The following DERL1 variants were observed in gnomAD, a reference collection of about 807,000 sequenced individuals.
The protein encoded by DERL1 is derlin-1.
Under a neutral mutation model 41.6 loss-of-function variants are expected in DERL1, and 24 were observed. The ratio of observed to expected loss-of-function variants is 0.58; its 90% CI spans 0.42 to 0.81. The LOEUF (loss-of-function observed/expected upper bound fraction) is 0.81, where lower values mean the gene tolerates loss of function less well. DERL1 is among the 30% of genes least tolerant of loss of function. DERL1 has a pLI of 0.00. For synonymous variants in DERL1, 124 were observed against 112.5 expected (o/e 1.10, Z -0.65); for missense variants, 260 against 314.3 (o/e 0.83, Z 1.31).
chr8:123,020,057 C>T (rs1563629222), intron 6 of DERL1, among the ~76,000 whole-genome samples: 1 of 152,232 alleles, frequency 6.6e-6, no homozygotes, highest in Non-Finnish European at 1.5e-5. Flanking sequence ...ACAGTCTGCT[C>T]CATCCATTCA....
At position 123,015,476 on chromosome 8, in the gene DERL1, C is replaced by T; in HGVS notation, c.727G>A (p.Gly243Ser). 1 of 1,613,578 alleles carries T rather than the reference C, an allele frequency of 6.2e-7. No homozygotes were observed. The highest frequency in any genetic ancestry group is 8.5e-7 in the Non-Finnish European group (1 of 1,179,814). ...QNGGGGRHNW[G>S]QGFRLGDQ is the part of the protein sequence containing the mutation. Reference sequence around the variant, plus strand: ...TGGTCTCCAAGTCGAAAGCCCTGGCCCCAGTTGTGTCTCCCGCCTCCGCCA... The same window carrying T: ...TGGTCTCCAAGTCGAAAGCCCTGGCTCCAGTTGTGTCTCCCGCCTCCGCCA... The change falls in exon 8 of 8, where the codon GGC becomes AGC. Residue 243 changes from glycine to serine, a missense_variant. By Grantham distance (56) the Gly-to-Ser change is moderately conservative. Transcript: ENST00000259512.
Position 123,042,034 on chromosome 8 carries a change from T to C in DERL1, c.89A>G (p.Lys30Arg). Reference sequence around the variant, plus strand: ...GTAGGCCGGGCTGATGAGGCCGAGTTTGCCGACCAAGGGCACGGCGACGGT... The same window carrying C: ...GTAGGCCGGGCTGATGAGGCCGAGTCTGCCGACCAAGGGCACGGCGACGGT... ...AATVAVPLVGKLGLISPAYLF... is the reference protein window; with the variant it reads ...AATVAVPLVGRLGLISPAYLF... Residue 30 changes from lysine (K) to arginine (R), a missense_variant, in exon 1 of 8, where the codon AAA becomes AGA. Coordinates refer to ENST00000259512, the MANE Select transcript of DERL1 (RefSeq NM_024295.6). 6.2e-7 allele frequency: 1 copy of C among 1,613,972 alleles called. No homozygotes were observed. Among genetic ancestry groups the C allele is most frequent in the Non-Finnish European group, 8.5e-7 (1 of 1,179,920 alleles).
chr8:123,023,835 G>T, intron 3 of DERL1, 96 bp from the exon 4 acceptor site: 1 of 1,405,886 alleles, frequency 7.1e-7, no homozygotes, highest in African/African-American at 1.4e-5. Context: ...AGTTCACTTG[G>T]CCAGGTGTAA....
At chr8:123,040,471 GC>G (rs1439429224) in intron 1 of DERL1, among the ~76,000 whole-genome samples, 23 of 152,198 alleles carry the variant, frequency 1.5e-4, no homozygotes, top group Admixed American at 1.4e-3. Flanking sequence ...TCATTGTGGA[GC>G]CTAAGGTACA....
chr8:123,027,460 C>T (rs1674898063), intron 2 of DERL1, among the ~76,000 whole-genome samples: 1 of 151,964 alleles, frequency 6.6e-6, no homozygotes, highest in Non-Finnish European at 1.5e-5. Flanking sequence ...TGTCAATATA[C>T]TAAAAACCAA....
chr8:123,020,652 A>G (rs1416438132), intron 6 of DERL1, among the ~76,000 whole-genome samples: 1 of 151,606 alleles, frequency 6.6e-6, no homozygotes, highest in Non-Finnish European at 1.5e-5. Context: ...TGGTTGGCCA[A>G]AAGTTCTGTA....
At chr8:123,035,124 C>T (rs1175610230) in intron 1 of DERL1, among the ~76,000 whole-genome samples, 1 of 152,190 alleles carries the variant, frequency 6.6e-6, no homozygotes, top group African/African-American at 2.4e-5. Flanking sequence ...TGTCTGACTA[C>T]ATTTTCTCTA....
At chr8:123,022,542 T>A in intron 5 of DERL1, 142 bp downstream of exon 5, 1 of 703,906 alleles carries the variant, frequency 1.4e-6, no homozygotes, top group Non-Finnish European at 2.4e-6. Flanking sequence ...GAGCTGGGAT[T>A]GAGGAGGGCA....
At position 123,039,532 on chromosome 8, in the gene DERL1, T is replaced by C. The variant is rs115680050; in HGVS notation, c.153+2438A>G. ...TGTTCCCAGCTCCTACTTCTGAGCCTTTCACTTACTAGTCCTTCCTGGAAG... is the reference window on the plus strand; with the variant it reads ...TGTTCCCAGCTCCTACTTCTGAGCCCTTCACTTACTAGTCCTTCCTGGAAG... On this transcript the variant is annotated intron_variant, in intron 1 of 7. Coordinates refer to ENST00000259512, the MANE Select transcript of DERL1 (RefSeq NM_024295.6). 6.6e-3 allele frequency among the ~76,000 whole-genome samples: 999 copies of C among 152,296 alleles called. 12 individuals are homozygous for C. The highest frequency in any genetic ancestry group is 0.023 in the African/African-American group (950 of 41,556).
intron 1 of DERL1, among the ~76,000 whole-genome samples, chr8:123,039,040 T>G (rs777463018): frequency 6.6e-6 from 1 of 152,224 alleles, no homozygotes; most frequent in African/African-American, 2.4e-5. Flanking sequence ...GCTGCTCCTG[T>G]GAAAACAGTA....
rs1377242762 is a variant in DERL1 at position 123,022,677 on chromosome 8, A to G, written c.453+7T>C. 1 of 1,613,898 alleles carries G rather than the reference A, an allele frequency of 6.2e-7. No individual in the cohort carries two copies. Among genetic ancestry groups the G allele is most frequent in the African/African-American group, 1.3e-5 (1 of 75,040 alleles). ...AAAAGGACACTTTTCCAACCAAGGCAAAGTACCTTAAATCGTGTTCCAAAC... is the reference window on the plus strand; with the variant it reads ...AAAAGGACACTTTTCCAACCAAGGCGAAGTACCTTAAATCGTGTTCCAAAC... On this transcript the variant is annotated splice_region_variant and intron_variant, in intron 5 of 7. Coordinates refer to ENST00000259512, the MANE Select transcript of DERL1 (RefSeq NM_024295.6).
chr8:123,024,847 A>G (rs1374913549), intron 3 of DERL1, 139 bp downstream of exon 3: 1 of 838,628 alleles, frequency 1.2e-6, no homozygotes, highest in East Asian at 2.8e-5. Flanking sequence ...TTTTTAAAAA[A>G]CTATAATTAT....
At chr8:123,018,375 T>C (rs1381776521) in intron 7 of DERL1, 2 of 152,196 alleles carry the variant, frequency 1.3e-5, no homozygotes, top group Non-Finnish European at 2.9e-5. Context: ...TCTCAGATCG[T>C]CAAAATCCTG....
chr8:123,028,423 T>C (rs557715519), intron 2 of DERL1, among the ~76,000 whole-genome samples: 41 of 152,104 alleles, frequency 2.7e-4, no homozygotes, highest in Middle Eastern at 6.8e-3. Flanking sequence ...ACACGGAAAG[T>C]AGATTAGTGG....
chr8:123,026,704 G>A (rs1812700618), intron 2 of DERL1, among the ~76,000 whole-genome samples: 1 of 150,980 alleles, frequency 6.6e-6, no homozygotes, highest in African/African-American at 2.4e-5. Context: ...AAATAAGAGT[G>A]TTAAATAGAA....
rs1353622749 is a variant in DERL1, at chr8:123,019,315, G to A, written c.507-10C>T. Reference sequence around the variant, plus strand: ...AAGCTCATTGATTACCCTGCAAAGAGAGCCAAATGAGTTTAAAGACATTCA... The same window carrying A: ...AAGCTCATTGATTACCCTGCAAAGAAAGCCAAATGAGTTTAAAGACATTCA... On this transcript the variant is annotated splice_polypyrimidine_tract_variant and intron_variant, in intron 6 of 7. Transcript: ENST00000259512. 6.3e-7 allele frequency: 1 copy of A among 1,578,602 alleles called. No homozygotes were observed. The highest frequency in any genetic ancestry group is 1.1e-5 in the South Asian group (1 of 90,242).
At chr8:123,028,571 T>C (rs967914546) in intron 2 of DERL1, among the ~76,000 whole-genome samples, 8 of 152,160 alleles carry the variant, frequency 5.3e-5, no homozygotes, top group African/African-American at 1.9e-4. Flanking sequence ...GACCACTGAA[T>C]TGTACACCTT....
intron 1 of DERL1, among the ~76,000 whole-genome samples, chr8:123,040,483 A>C (rs1362905918): frequency 2.0e-5 from 3 of 152,324 alleles, no homozygotes; most frequent in Admixed American, 2.0e-4. Context: ...CTAAGGTACA[A>C]GTTGGAGAGT....
rs771083659 is a variant in DERL1 at position 123,022,708 on chromosome 8, T to C, written c.429A>G (p.Ser143=). 8 of 1,613,968 alleles carry C rather than the reference T, an allele frequency of 5.0e-6. No homozygotes were observed. Among genetic ancestry groups the C allele is most frequent in the Non-Finnish European group, 6.8e-6 (8 of 1,179,990 alleles). The stretch of plus-strand genomic sequence containing the variant: ...CCTTAAATCGTGTTCCAAACCAAAA[T>C]GATACAATCATGTCTCTGTTCAGCT... The part of the protein sequence containing the change: ...WAQLNRDMIV[S]FWFGTRFKAC... The change falls in exon 5 of 8, where the codon TCA becomes TCG. Residue 143 remains serine, a synonymous_variant. Coordinates refer to ENST00000259512, the MANE Select transcript of DERL1 (RefSeq NM_024295.6).
Sources: gnomAD v4.1 joint callset for allele counts (sites outside exome capture counted in the v4.1 genomes callset) on GRCh38, gnomAD v4.1.1 for gene constraint, MANE v1.5 for transcripts, NCBI Gene and HGNC (gene_info 2026-07-23, HGNC 2026-07-21) for gene names.